Variants in NR3C1 observed in about 807,000 individuals in gnomAD.
The protein encoded by NR3C1 is nuclear receptor subfamily 3 group C member 1.
A neutral mutation model predicts 74.0 loss-of-function variants in NR3C1; 14 were observed. The observed-to-expected ratio is 0.19, with a 90% CI of 0.12 to 0.30. NR3C1 has a LOEUF of 0.30. Ranked by LOEUF, NR3C1 falls within the 10% of genes least tolerant of loss-of-function variation. NR3C1 has a pLI of 1.00. For missense variants in NR3C1, 695 were observed against 909.8 expected (o/e 0.76, Z 3.04); for synonymous variants, 308 against 332.5 (o/e 0.93, Z 0.80).
intron 2 of NR3C1, among the ~76,000 whole-genome samples, chr5:143,344,317 G>A (rs2151755180): frequency 6.6e-6 from 1 of 152,244 alleles, no homozygotes; most frequent in Non-Finnish European, 1.5e-5. Flanking sequence ...GTACACAGGT[G>A]AAACCAAACA....
chr5:143,282,778 T>TTTTC lies in NR3C1; in HGVS notation c.2024-54_2024-53insGAAA. 1.3e-5 allele frequency: 4 copies of TTTTC among 298,966 alleles called. No individual in the cohort carries two copies. In the East Asian group the frequency reaches 4.7e-4, roughly 35 times the overall value. The allele number at this position is 298,966 out of a possible 1,614,324, so 18.5% of individuals were successfully genotyped here. A position where few individuals can be genotyped will look rare whatever the true frequency, so the allele number is the denominator to read the frequency against. Reference sequence around the variant, plus strand: ...AGGATTTTCTTTTTCTTTTCTTTTCTTTTTTTTTTTTTTTTGAGATAGATA... The same window carrying TTTTC: ...AGGATTTTCTTTTTCTTTTCTTTTCTTTTCTTTTTTTTTTTTTTTGAGATAGATA... On this transcript the variant is annotated intron_variant, in intron 7 of 8. Transcript: ENST00000394464.
intron 2 of NR3C1, among the ~76,000 whole-genome samples, chr5:143,330,048 G>A (rs1033022269): frequency 3.4e-4 from 52 of 152,038 alleles, no homozygotes; most frequent in Non-Finnish European, 3.4e-4. Context: ...TTTCACTTTT[G>A]AAAATTTAAC....
At chr5:143,390,660 C>T (rs61751250) in intron 2 of NR3C1, among the ~76,000 whole-genome samples, 2,520 of 152,272 alleles carry the variant, frequency 0.017, 25 homozygotes, top group Middle Eastern at 0.041. Flanking sequence ...AACTTAACCA[C>T]TAAGCATCAC....
intron 2 of NR3C1, among the ~76,000 whole-genome samples, chr5:143,357,620 A>G (rs1831399085): frequency 6.6e-6 from 1 of 152,170 alleles, no homozygotes; most frequent in Non-Finnish European, 1.5e-5. Flanking sequence ...CACACTTAAA[A>G]AATTTCCTAG....
At chr5:143,308,511 C>G (rs917412019) in intron 4 of NR3C1, among the ~76,000 whole-genome samples, 2 of 152,072 alleles carry the variant, frequency 1.3e-5, no homozygotes, top group African/African-American at 4.8e-5. Flanking sequence ...CACATGGTTT[C>G]CATTCTCTCT....
chr5:143,304,834 A>G (rs1819238898), intron 4 of NR3C1, among the ~76,000 whole-genome samples: 1 of 152,184 alleles, frequency 6.6e-6, no homozygotes. Context: ...GTGCTGGGAT[A>G]ACTGGCTATC....
At chr5:143,369,697 C>T (rs1833919592) in intron 2 of NR3C1, among the ~76,000 whole-genome samples, 1 of 152,202 alleles carries the variant, frequency 6.6e-6, no homozygotes, top group Non-Finnish European at 1.5e-5. Context: ...ATGTTGCTAA[C>T]TATCCTGCAA....
At position 143,282,036 on chromosome 5, in the gene NR3C1, A is replaced by G. The variant is rs1156895470; in HGVS notation, c.2187T>C (p.Val729=). 3.1e-6 allele frequency: 5 copies of G among 1,613,450 alleles called. No homozygotes were observed. The highest frequency in any genetic ancestry group is 4.2e-6 in the Non-Finnish European group (5 of 1,179,698). The change falls in exon 9 of 9, where the codon GTT becomes GTC. Residue 729 remains valine (V), a synonymous_variant. Transcript: ENST00000394464. The part of the protein sequence containing the change: ...TKLLDSMHEV[V]ENLLNYCFQT... ...GGAAGCAATAGTTAAGGAGATTTTC[A>G]ACCACCTGCAAGAGAAGATATGGTA...
upstream of NR3C1, among the ~76,000 whole-genome samples, chr5:143,406,408 CA>C (rs76118247): frequency 0.2 from 21,166 of 108,036 alleles, 1,673 homozygotes; most frequent in Middle Eastern, 0.42. Context: ...TTTAATTGAG[CA>C]AAAAAAAAAA....
At chr5:143,333,687 G>A (rs1423653239) in intron 2 of NR3C1, among the ~76,000 whole-genome samples, 17 of 152,134 alleles carry the variant, frequency 1.1e-4, no homozygotes, top group Non-Finnish European at 1.8e-4. Flanking sequence ...AAAATCGCTT[G>A]AACCCAGGAG....
At chr5:143,427,593 C>G (rs561133923) in intron 1 of NR3C1, among the ~76,000 whole-genome samples, 3 of 152,102 alleles carry the variant, frequency 2.0e-5, no homozygotes, top group Non-Finnish European at 4.4e-5. Context: ...CATGGAGGAC[C>G]TGCTAGCAAT....
intron 1 of NR3C1, among the ~76,000 whole-genome samples, chr5:143,420,348 T>G (rs1462124879): frequency 6.6e-6 from 1 of 152,082 alleles, no homozygotes; most frequent in Non-Finnish European, 1.5e-5. Flanking sequence ...TCTTCACAAT[T>G]TGTGTTTAGA....
At chr5:143,365,480 A>G (rs549677197) in intron 2 of NR3C1, among the ~76,000 whole-genome samples, 40 of 152,360 alleles carry the variant, frequency 2.6e-4, no homozygotes, top group African/African-American at 9.6e-4. Flanking sequence ...TATAATAATC[A>G]TAAACTTACT....
At chr5:143,283,768 TAATCCTGTGGA>T (rs1338662566) in intron 7 of NR3C1, among the ~76,000 whole-genome samples, 2 of 152,206 alleles carry the variant, frequency 1.3e-5, no homozygotes, top group Non-Finnish European at 2.9e-5. Context: ...TGGTTTCACT[TAATCCTGTGGA>T]GATTAGGACT....
chr5:143,380,778 T>C (rs1225480936), intron 2 of NR3C1, among the ~76,000 whole-genome samples: 2 of 152,188 alleles, frequency 1.3e-5, no homozygotes, highest in African/African-American at 4.8e-5. Flanking sequence ...CAAGTTAAAG[T>C]ATCCACTTCC....
At chr5:143,405,123 G>C (rs936788474), upstream of NR3C1, 3 of 985,468 alleles carry the variant, frequency 3.0e-6, no homozygotes, top group African/African-American at 5.2e-5. Context: ...GGGAAGGCTT[G>C]GACGATGCCG....
At chr5:143,364,387 G>A (rs1832830759) in intron 2 of NR3C1, among the ~76,000 whole-genome samples, 1 of 152,156 alleles carries the variant, frequency 6.6e-6, no homozygotes, top group Non-Finnish European at 1.5e-5. Context: ...CATGCTAAAA[G>A]GAGTCTTTCA....
At chr5:143,418,481 G>A (rs1194678329) in intron 1 of NR3C1, among the ~76,000 whole-genome samples, 1 of 152,100 alleles carries the variant, frequency 6.6e-6, no homozygotes, top group Non-Finnish European at 1.5e-5. Context: ...AAGTAATTAT[G>A]TTTCTTTCAT....
chr5:143,303,969 C>CA (rs922443387), intron 4 of NR3C1, among the ~76,000 whole-genome samples: 1 of 151,982 alleles, frequency 6.6e-6, no homozygotes, highest in Non-Finnish European at 1.5e-5. Context: ...AACATCATAC[C>CA]AAATGGGCAA....
Sources: allele counts gnomAD v4.1 joint callset (sites outside exome capture counted in the v4.1 genomes callset), GRCh38; gene constraint gnomAD v4.1.1; transcripts MANE v1.5; gene names NCBI Gene and HGNC (gene_info 2026-07-23, HGNC 2026-07-21).